The following ATPAF1 variants were observed in gnomAD, a reference collection of about 807,000 sequenced individuals.
The protein encoded by ATPAF1 is homolog of yeast ATP11.
In ATPAF1, 26 loss-of-function variants were observed where a neutral mutation model predicts 43.9. The ratio of observed to expected loss-of-function variants is 0.59; its 90% CI spans 0.43 to 0.82. The LOEUF (loss-of-function observed/expected upper bound fraction) is 0.82, where lower values mean the gene tolerates loss of function less well. Ranked by LOEUF, ATPAF1 falls within the 40% of genes least tolerant of loss-of-function variation. ATPAF1 has a pLI of 0.00. For missense variants in ATPAF1, 366 were observed against 435.0 expected, an observed-to-expected ratio of 0.84 and a Z score of 1.41; for synonymous variants, 157 against 168.0, an observed-to-expected ratio of 0.93 and a Z score of 0.50.
At chr1:46,664,801 G>A (rs921318280) in intron 2 of ATPAF1, 4 of 160,204 alleles carry the variant, frequency 2.5e-5, no homozygotes, top group African/African-American at 9.6e-5. Context: ...TAGTCACAAA[G>A]AAGACCATAC....
At chr1:46,654,145 G>T (rs1017080987) in intron 4 of ATPAF1, among the ~76,000 whole-genome samples, 9 of 152,146 alleles carry the variant, frequency 5.9e-5, no homozygotes, top group African/African-American at 2.2e-4. Flanking sequence ...CCTTGTGTGT[G>T]ATAGACAACT....
intron 6 of ATPAF1, among the ~76,000 whole-genome samples, chr1:46,647,259 G>A (rs1358047177): frequency 6.6e-6 from 1 of 152,044 alleles, no homozygotes; most frequent in African/African-American, 2.4e-5. Flanking sequence ...TCTGGTTGTG[G>A]TGTGGAGATC....
At chr1:46,664,646 T>TGGGTTGGCA (rs1470337993) in intron 2 of ATPAF1, 2 of 152,246 alleles carry the variant, frequency 1.3e-5, no homozygotes, top group Non-Finnish European at 2.9e-5. Flanking sequence ...TGGATGGGGG[T>TGGGTTGGCA]GGGTTGGCAG....
chr1:46,647,483 A>G (rs1466869874), intron 6 of ATPAF1, among the ~76,000 whole-genome samples: 2 of 142,530 alleles, frequency 1.4e-5, no homozygotes, highest in Non-Finnish European at 3.0e-5. Flanking sequence ...ATATTATTCC[A>G]TTGTGTATGT....
At chr1:46,647,819 T>G (rs1676072310) in intron 6 of ATPAF1, among the ~76,000 whole-genome samples, 1 of 152,236 alleles carries the variant, frequency 6.6e-6, no homozygotes, top group African/African-American at 2.4e-5. Flanking sequence ...TACCAATACT[T>G]GGTATGATCA....
Position 46,668,157 on chromosome 1 carries a change from G to A in ATPAF1, c.166C>T (p.Pro56Ser). 2 of 1,398,260 alleles carry A rather than the reference G, an allele frequency of 1.4e-6. No individual in the cohort carries two copies. Among genetic ancestry groups the A allele is most frequent in the Non-Finnish European group, 1.9e-6 (2 of 1,077,062 alleles). The allele number at this position is 1,398,260 out of a possible 1,614,324, so 86.6% of individuals were successfully genotyped here. The change falls in exon 1 of 9, where the codon CCC (proline) becomes TCC (serine). Residue 56 changes from proline (P) to serine (S), a missense_variant. By Grantham distance (74) the Pro-to-Ser change is moderately conservative. Around this residue, in one of 2 missense-constraint regions of ATPAF1, gnomAD observed 186 missense variants for 168.5 expected, o/e 1.10. Transcript: ENST00000574428. The surrounding 1 kb of genome is among the most constrained non-coding windows in gnomAD (Gnocchi z 4.4). ...CCGCTGCTGTCGGCGCCCCCCTCGG[G>A]CCGGCCCGAGCCGGGGCGCACTGGG...
chr1:46,648,235 C>T (rs1338033614), intron 6 of ATPAF1, among the ~76,000 whole-genome samples: 6 of 152,108 alleles, frequency 3.9e-5, no homozygotes, highest in Admixed American at 1.3e-4. Context: ...CCTCAGCTTC[C>T]GGAGTAGCTG....
At chr1:46,665,931 A>C in intron 1 of ATPAF1, 4 of 1,257,830 alleles carry the variant, frequency 3.2e-6, no homozygotes, top group Non-Finnish European at 4.1e-6. Flanking sequence ...TTATGTCAAA[A>C]TGGGGTTGGT....
intron 8 of ATPAF1, among the ~76,000 whole-genome samples, chr1:46,640,908 T>C (rs767470399): frequency 1.3e-5 from 2 of 152,154 alleles, no homozygotes; most frequent in Non-Finnish European, 2.9e-5. Context: ...CCACTACCTC[T>C]ATCCATCTAA....
intron 6 of ATPAF1, among the ~76,000 whole-genome samples, chr1:46,651,121 G>T (rs1030557826): frequency 4.6e-5 from 7 of 151,970 alleles, no homozygotes; most frequent in African/African-American, 1.7e-4. Flanking sequence ...CTAGCATTAG[G>T]TATATCTCCC....
At chr1:46,652,388 A>G (rs1445683807) in intron 6 of ATPAF1, 193 bp downstream of exon 6, 1 of 540,672 alleles carries the variant, frequency 1.8e-6, no homozygotes, top group Non-Finnish European at 3.2e-6. Flanking sequence ...TTATTAGTAC[A>G]ATCAACGTGT....
intron 1 of ATPAF1, chr1:46,666,237 G>A (rs635972): frequency 0.011 from 2,138 of 199,748 alleles, 48 homozygotes; most frequent in African/African-American, 0.047. Context: ...ATGTAGATGG[G>A]ATGTTTTTCT....
rs2148829790 is a variant in ATPAF1 at position 46,668,207 on chromosome 1, A to G, written c.116T>C (p.Val39Ala). 2 of 1,384,530 alleles carry G rather than the reference A, an allele frequency of 1.4e-6. No individual in the cohort carries two copies. The highest frequency in any genetic ancestry group is 3.1e-5 in the East Asian group (1 of 31,814). 85.8% of individuals were successfully genotyped at this position (1,384,530 alleles called of 1,614,324 possible). ...GAAGACGCGCAGCTGCGCGGGTGAC[A>G]CGAGCCCCAGGCCCAGGGCGCGGCT... Residue 39 changes from valine to alanine, a missense_variant, in exon 1 of 9, where the codon GTG becomes GCG. Physicochemically the swap from Val to Ala is moderately conservative, Grantham distance 64. Transcript: ENST00000574428. This position sits in a 1 kb window ranked among gnomAD's most constrained non-coding sequence, Gnocchi z 4.4.
At chr1:46,651,728 A>G (rs1238939336) in intron 6 of ATPAF1, among the ~76,000 whole-genome samples, 2 of 152,228 alleles carry the variant, frequency 1.3e-5, no homozygotes, top group Non-Finnish European at 2.9e-5. Flanking sequence ...AGAAACTACC[A>G]TCAGAGTGAA....
At chr1:46,665,525 A>C in intron 1 of ATPAF1, 161 bp from the exon 2 acceptor site, 1 of 1,211,868 alleles carries the variant, frequency 8.3e-7, no homozygotes. Context: ...CTAGAAATAA[A>C]GAAACTGGAA....
intron 6 of ATPAF1, 40 bp from the exon 7 acceptor site, chr1:46,645,296 G>T (rs774496054): frequency 2.1e-6 from 3 of 1,462,904 alleles, no homozygotes; most frequent in Non-Finnish European, 2.9e-6. Flanking sequence ...ATGAATAAAT[G>T]AAATTATTTG....
At chr1:46,663,879 C>A in intron 2 of ATPAF1, 1 of 1,275,224 alleles carries the variant, frequency 7.8e-7, no homozygotes. Context: ...TCCATATTCT[C>A]CCTGGCGCTG....
At chr1:46,661,766 T>A (rs1307470326) in intron 2 of ATPAF1, among the ~76,000 whole-genome samples, 1 of 152,214 alleles carries the variant, frequency 6.6e-6, no homozygotes, top group Non-Finnish European at 1.5e-5. Context: ...ATGGAAAATA[T>A]GTGTTAGCCG....
Position 46,636,025 on chromosome 1 carries a change from T to C in ATPAF1, c.793-55A>G, listed in dbSNP as rs768456804. 11 of 1,589,886 alleles carry C rather than the reference T, an allele frequency of 6.9e-6. No individual in the cohort carries two copies. The East Asian group carries it at 2.2e-4, about 32-fold the overall frequency. The stretch of plus-strand genomic sequence containing the variant: ...TTCTTGCACAGGGCCACAAAGCTCT[T>C]GTCTGAATTGTGTGGTGGGTGGGGG... On this transcript the variant is annotated intron_variant, in intron 8 of 8. Coordinates refer to ENST00000574428, the Ensembl canonical transcript of ATPAF1.
Sources: gnomAD v4.1 joint callset for allele counts (sites outside exome capture counted in the v4.1 genomes callset) on GRCh38, gnomAD v4.1.1 for gene constraint, gnomAD v4.1.1 regional missense constraint, Gnocchi (gnomAD v3.1) non-coding constraint, MANE v1.5 for transcripts, NCBI Gene and HGNC (gene_info 2026-07-23, HGNC 2026-07-21) for gene names.